The following ABR variants were observed in gnomAD, a reference collection of about 807,000 sequenced individuals.
ABR encodes the protein active breakpoint cluster region-related protein.
Under a neutral mutation model 107.2 loss-of-function variants are expected in ABR, and 35 were observed. The observed-to-expected ratio is 0.33, with a 90% CI of 0.25 to 0.43. The LOEUF (loss-of-function observed/expected upper bound fraction) is 0.43. ABR is among the 20% of genes least tolerant of loss of function. The pLI is 1.00. For missense variants in ABR, 815 were observed against 1,115.2 expected, an observed-to-expected ratio of 0.73 and a Z score of 3.83; for synonymous variants, 498 against 462.0, an observed-to-expected ratio of 1.08 and a Z score of -1.00.
At chr17:1,019,389 G>T (rs557757387) in intron 16 of ABR, among the ~76,000 whole-genome samples, 176 of 152,370 alleles carry the variant, frequency 1.2e-3, no homozygotes, top group African/African-American at 4.0e-3. Context: ...GGCCAGGCCT[G>T]GGCCAGGGGC....
intron 2 of ABR, among the ~76,000 whole-genome samples, chr17:1,106,961 C>T (rs1460881632): frequency 6.6e-6 from 1 of 152,212 alleles, no homozygotes; most frequent in Admixed American, 6.5e-5. Context: ...CTGAAGAGCA[C>T]CTAACCTGAG....
chr17:1,021,147 C>T (rs1055506745), intron 16 of ABR, among the ~76,000 whole-genome samples: 2 of 152,218 alleles, frequency 1.3e-5, no homozygotes, highest in Non-Finnish European at 1.5e-5. Flanking sequence ...GAACTGGCCA[C>T]TGGGGGTCTC....
chr17:1,214,207 G>A (rs1272652143), intron 1 of ABR, among the ~76,000 whole-genome samples: 1 of 152,004 alleles, frequency 6.6e-6, no homozygotes, highest in Non-Finnish European at 1.5e-5. Context: ...TGTTACACAG[G>A]ACTTGGACTT....
chr17:1,120,936 T>C (rs1255012774), intron 2 of ABR, among the ~76,000 whole-genome samples: 1 of 152,196 alleles, frequency 6.6e-6, no homozygotes, highest in Non-Finnish European at 1.5e-5. Flanking sequence ...CTGTGGCCTG[T>C]GGGGAGGCGG....
intron 16 of ABR, among the ~76,000 whole-genome samples, chr17:1,018,661 T>C (rs1417816155): frequency 6.6e-6 from 1 of 152,120 alleles, no homozygotes; most frequent in Non-Finnish European, 1.5e-5. Context: ...CATTCAACCG[T>C]GCGCACTCGG....
At chr17:1,198,425 C>T (rs1567885199) in intron 1 of ABR, among the ~76,000 whole-genome samples, 1 of 151,536 alleles carries the variant, frequency 6.6e-6, no homozygotes, top group East Asian at 1.9e-4. Flanking sequence ...CCCACCTGGC[C>T]TCTGCCTGAT....
chr17:1,006,023 G>T lies in ABR; in HGVS notation c.*57C>A. The T allele has an allele frequency of 7.0e-7, 1 of 1,436,388 alleles. No homozygotes were observed. Among genetic ancestry groups the T allele is most frequent in the Non-Finnish European group, 9.6e-7 (1 of 1,042,472 alleles). The allele number at this position is 1,436,388 out of a possible 1,614,324, so 89.0% of individuals were successfully genotyped here. A position where few individuals can be genotyped will look rare whatever the true frequency, so the allele number is the denominator to read the frequency against. ...TATTGCAGTCTTTCAAGTCTGAGTT[G>T]GACCCCAGGCTGGAGGGGCTGGTTC... On this transcript the variant is annotated 3_prime_UTR_variant, in exon 23 of 23. Coordinates refer to ENST00000302538, the MANE Select transcript of ABR (RefSeq NM_021962.5).
chr17:1,018,236 G>A (rs1054604099), intron 16 of ABR, among the ~76,000 whole-genome samples: 23 of 151,618 alleles, frequency 1.5e-4, no homozygotes, highest in South Asian at 4.2e-4. Context: ...TAGAGACGGG[G>A]TTTCACCGTG....
intron 16 of ABR, among the ~76,000 whole-genome samples, chr17:1,016,442 G>C (rs527635334): frequency 1.3e-5 from 2 of 151,266 alleles, no homozygotes; most frequent in African/African-American, 4.9e-5. Context: ...TCAGCCTCCC[G>C]AGTAGCTGGG....
chr17:1,082,129 G>A (rs945927400), intron 5 of ABR, among the ~76,000 whole-genome samples: 5 of 152,056 alleles, frequency 3.3e-5, no homozygotes, highest in African/African-American at 1.2e-4. Flanking sequence ...GGAACACAAA[G>A]GGCCAAGAGG....
rs2072347994 is a variant in ABR, at chr17:1,027,943, C to T, written c.1792-14779G>A. Among the ~76,000 whole-genome samples the T allele has an allele frequency of 6.6e-6, 1 of 152,054 alleles. No homozygotes were observed. The highest frequency in any genetic ancestry group is 2.1e-4 in the South Asian group (1 of 4,810). On this transcript the variant is annotated intron_variant, in intron 16 of 22. Transcript: ENST00000302538. The surrounding 1 kb of genome is among the most constrained non-coding windows in gnomAD (Gnocchi z 4.7). ...GTATCTTGTACCCAGCACCTGTGTA[C>T]CCTCGATGGCCAAGTGAGTGGTAGA...
intron 4 of ABR, among the ~76,000 whole-genome samples, chr17:1,086,748 G>A (rs991007442): frequency 6.6e-6 from 1 of 152,166 alleles, no homozygotes; most frequent in East Asian, 1.9e-4. Flanking sequence ...TGATCCACCC[G>A]CCTCCGCCTC....
At chr17:1,131,428 C>A (rs2440053) in intron 1 of ABR, among the ~76,000 whole-genome samples, 19 of 38,160 alleles carry the variant, frequency 5.0e-4, no homozygotes, top group Admixed American at 5.6e-4. Context: ...GCAGTGCCTG[C>A]CACGCGCACA....
chr17:1,100,675 C>T lies in ABR; in HGVS notation c.307G>A (p.Glu103Lys), dbSNP rs765419742. 2.5e-6 allele frequency: 4 copies of T among 1,613,780 alleles called. No individual in the cohort carries two copies. Among genetic ancestry groups the T allele is most frequent in the South Asian group, 1.1e-5 (1 of 91,072 alleles). ...KLVLSGFLAS[E>K]EIYINQLEAL... ...TCCAGCTGGTTAATGTAGATCTCTT[C>T]GCTGGCCAAGAACCCCGAGAGAACC... Residue 103 changes from glutamate to lysine, a missense_variant, in exon 3 of 23, where the codon GAA becomes AAA. Physicochemically the swap from Glu to Lys is moderately conservative, Grantham distance 56. Around this residue, in one of 5 missense-constraint regions of ABR, gnomAD observed 385 missense variants for 596.9 expected, o/e 0.64. Transcript: ENST00000302538.
upstream of ABR, among the ~76,000 whole-genome samples, chr17:1,183,346 C>T (rs1019863383): frequency 2.6e-5 from 4 of 152,132 alleles, no homozygotes; most frequent in Admixed American, 1.3e-4. Context: ...CTGTCTGCGG[C>T]TCTCCAACCC....
At position 1,161,846 on chromosome 17, in the gene ABR, C is replaced by T. The variant is rs944667826; in HGVS notation, c.61+17821G>A. On this transcript the variant is annotated intron_variant, in intron 1 of 22. Transcript: ENST00000302538. ...CTGGGATGACAGGTGTGAGCCACAG[C>T]GCCCGGCCAGAAGTCACTCCTTTTA... is the stretch of plus-strand genomic sequence containing the variant. Among the ~76,000 whole-genome samples, 18 of 152,248 alleles carry T rather than the reference C, an allele frequency of 1.2e-4. 1 individual carries two copies. Among genetic ancestry groups the T allele is most frequent in the African/African-American group, 3.1e-4 (13 of 41,534 alleles).
rs1275265390 is a variant in ABR at position 1,079,252 on chromosome 17, C to T, written c.700+78G>A. 19 of 1,546,522 alleles carry T rather than the reference C, an allele frequency of 1.2e-5. No homozygotes were observed. In the Admixed American group the frequency reaches 1.5e-4, roughly 12 times the overall value. On this transcript the variant is annotated intron_variant, in intron 6 of 22. Transcript: ENST00000302538. ...ACACACGCACACACAAGGGGAAGGG[C>T]GCCGCGTTCACGCAGCCTGTTGCCT...
In ABR at chr17:1,146,296, C is replaced by CACACACACAT. The variant is rs3219520; in HGVS notation, c.62-20930_62-20929insATGTGTGTGT. On this transcript the variant is annotated intron_variant, in intron 1 of 22. Coordinates refer to ENST00000302538, the MANE Select transcript of ABR (RefSeq NM_021962.5). The stretch of plus-strand genomic sequence containing the variant: ...ACACACACACACACACACACACACA[C>CACACACACAT]ATCACATCCTTGTGGCCCCACCACC... 2.1e-3 allele frequency among the ~76,000 whole-genome samples: 313 copies of CACACACACAT among 146,688 alleles called. 2 individuals are homozygous for CACACACACAT. The highest frequency in any genetic ancestry group is 7.5e-3 in the African/African-American group (301 of 39,952).
intron 1 of ABR, among the ~76,000 whole-genome samples, chr17:1,177,261 C>T (rs1014192895): frequency 1.8e-4 from 28 of 152,220 alleles, no homozygotes; most frequent in African/African-American, 6.8e-4. Context: ...ACAGCCCAAA[C>T]ATGACTGCAC....
Sources: allele counts gnomAD v4.1 joint callset (sites outside exome capture counted in the v4.1 genomes callset), GRCh38; gene constraint gnomAD v4.1.1; regional missense constraint gnomAD v4.1.1; non-coding constraint Gnocchi (gnomAD v3.1); transcripts MANE v1.5; gene names NCBI Gene and HGNC (gene_info 2026-07-23, HGNC 2026-07-21).